SHANK2: variants seen among roughly 807,000 people sequenced by gnomAD.
SHANK2 encodes SH3 and multiple ankyrin repeat domains protein 2.
SHANK2 carries 43 observed loss-of-function variants against 133.7 expected under a neutral mutation model. That is an observed-to-expected ratio of 0.32 (90% CI 0.25 to 0.41). SHANK2 has a LOEUF of 0.41. Among genes scored for constraint, SHANK2 ranks in the 10% least tolerant of loss-of-function variants. The pLI, the probability that SHANK2 is intolerant of heterozygous loss-of-function variation, is 1.00. For missense variants in SHANK2, 1,994 were observed against 2,235.8 expected (o/e 0.89, Z 2.18); for synonymous variants, 1,017 against 952.8 (o/e 1.07, Z -1.24).
chr11:71,178,590 T>C (rs573780690), intron 2 of SHANK2, among the ~76,000 whole-genome samples: 2 of 152,360 alleles, frequency 1.3e-5, no homozygotes, highest in South Asian at 4.1e-4. Context: ...TATTATGCTA[T>C]GCACATTTTA....
At chr11:70,797,123 C>T (rs147317744) in intron 14 of SHANK2, among the ~76,000 whole-genome samples, 2 of 152,326 alleles carry the variant, frequency 1.3e-5, no homozygotes, top group Non-Finnish European at 2.9e-5. Context: ...GCCAAGCTCC[C>T]GCTTCTCGGT....
At position 70,597,675 on chromosome 11, in the gene SHANK2, C is replaced by T. The variant is rs782160769; in HGVS notation, c.2061+62153G>A. ...ATCACCTGAGGTCAGGAGTTCAAGA[C>T]CAGTCTGGCCAACATGGCGAAACCT... On this transcript the variant is annotated intron_variant, in intron 17 of 25. Coordinates refer to ENST00000601538, the MANE Select transcript of SHANK2 (RefSeq NM_012309.5). 3.3e-4 allele frequency among the ~76,000 whole-genome samples: 50 copies of T among 152,252 alleles called. 1 individual carries two copies. Among genetic ancestry groups the T allele is most frequent in the Non-Finnish European group, 5.0e-4 (34 of 68,014 alleles).
intron 17 of SHANK2, among the ~76,000 whole-genome samples, chr11:70,577,969 A>G (rs1393551532): frequency 6.6e-6 from 1 of 152,168 alleles, no homozygotes; most frequent in Non-Finnish European, 1.5e-5. Flanking sequence ...GCTGAATGCG[A>G]GCCCAGGAGA....
chr11:71,142,725 G>T (rs1307216713), intron 3 of SHANK2, among the ~76,000 whole-genome samples: 2 of 151,354 alleles, frequency 1.3e-5, no homozygotes, highest in African/African-American at 4.9e-5. Flanking sequence ...TCTGCAGAGA[G>T]AAAGTTTTTC....
At chr11:71,222,504 G>A (rs1397262017) in intron 2 of SHANK2, among the ~76,000 whole-genome samples, 1 of 152,312 alleles carries the variant, frequency 6.6e-6, no homozygotes, top group Middle Eastern at 3.4e-3. Flanking sequence ...CAGGGAGACA[G>A]GTCCCAGCTG....
At chr11:71,090,442 CGTGTGT>C (rs1181678975) in intron 8 of SHANK2, among the ~76,000 whole-genome samples, 1,824 of 7,976 alleles carry the variant, frequency 0.23, 501 homozygotes, top group Admixed American at 0.29. Context: ...AGAAACACTA[CGTGTGT>C]GTGTGTGTGT....
chr11:70,644,085 A>G (rs2061226649), intron 17 of SHANK2, among the ~76,000 whole-genome samples: 1 of 152,234 alleles, frequency 6.6e-6, no homozygotes, highest in African/African-American at 2.4e-5. Context: ...CCCCAGATTT[A>G]ACAGGAAAGC....
At position 70,881,574 on chromosome 11, in the gene SHANK2, TTAA is replaced by T. The variant is rs71049950; in HGVS notation, c.1174+14924_1174+14926del. Among the ~76,000 whole-genome samples, 375 of 39,360 alleles carry T rather than the reference TTAA, an allele frequency of 9.5e-3. 1 individual carries two copies. Among genetic ancestry groups the T allele is most frequent in the African/African-American group, 0.015 (367 of 23,694 alleles). The allele number at this position is 39,360 out of a possible 152,430, so 25.8% of individuals were successfully genotyped here. On this transcript the variant is annotated intron_variant, in intron 11 of 25. Transcript: ENST00000601538. Reference sequence around the variant, plus strand: ...AATAATAATAATATTAATAATAATATTAATAATAATAATAATAATAATAATAGT... The same window carrying T: ...AATAATAATAATATTAATAATAATATTAATAATAATAATAATAATAATAGT...
chr11:70,618,296 GAA>G (rs33915522), intron 17 of SHANK2, among the ~76,000 whole-genome samples: 4 of 112,112 alleles, frequency 3.6e-5, no homozygotes, highest in African/African-American at 6.9e-5. Flanking sequence ...CTCGGTCTCA[GAA>G]AAAAAAAAAA....
chr11:70,755,632 C>T (rs925614761), intron 14 of SHANK2, among the ~76,000 whole-genome samples: 9 of 152,308 alleles, frequency 5.9e-5, no homozygotes, highest in East Asian at 1.9e-4. Flanking sequence ...TCCTGGCAAC[C>T]GGCCTTTCTC....
intron 14 of SHANK2, among the ~76,000 whole-genome samples, chr11:70,797,894 T>A (rs1050869463): frequency 6.7e-6 from 1 of 149,896 alleles, no homozygotes; most frequent in Admixed American, 6.6e-5. Flanking sequence ...ATATAAGTGG[T>A]CTCCTCTTCA....
chr11:70,494,888 C>T (rs572707944), intron 21 of SHANK2, among the ~76,000 whole-genome samples: 50 of 152,340 alleles, frequency 3.3e-4, no homozygotes, highest in African/African-American at 1.1e-3. Context: ...CCCAATTCTG[C>T]GTCCCTGCTC....
chr11:70,872,332 T>C (rs1167527766), intron 11 of SHANK2: 1 of 154,252 alleles, frequency 6.5e-6, no homozygotes, highest in African/African-American at 2.4e-5. Context: ...AAGGTACTCA[T>C]GAGTGAAGAC....
In SHANK2 at chr11:70,539,833, C is replaced by T. The variant is rs138663775; in HGVS notation, c.2062-36902G>A. Reference sequence around the variant, plus strand: ...CCACAGACGTTCATGTTCCTACAGTCCTGGAGGTGAAGTCCAAGATCAAGG... The same window carrying T: ...CCACAGACGTTCATGTTCCTACAGTTCTGGAGGTGAAGTCCAAGATCAAGG... On this transcript the variant is annotated intron_variant, in intron 17 of 25. Coordinates refer to ENST00000601538, the MANE Select transcript of SHANK2 (RefSeq NM_012309.5). Among the ~76,000 whole-genome samples, 45 of 152,334 alleles carry T rather than the reference C, an allele frequency of 3.0e-4. 1 individual carries two copies. In the East Asian group the frequency reaches 8.1e-3, roughly 27 times the overall value.
chr11:70,820,769 GTGCGTCCAAGCCCCCA>G (rs1199693956), intron 11 of SHANK2, 87 bp from the exon 12 acceptor site: 1 of 589,938 alleles, frequency 1.7e-6, no homozygotes, highest in Non-Finnish European at 3.0e-6. Context: ...GCAGGCCTGC[GTGCGTCCAAGCCCCCA>G]TGCGAGCCCA....
chr11:70,502,730 T>TGGGCGGGGGGGGG, intron 18 of SHANK2, 66 bp downstream of exon 18: 25 of 772,452 alleles, frequency 3.2e-5, no homozygotes, highest in East Asian at 2.6e-4. Flanking sequence ...CCAGCTGTCC[T>TGGGCGGGGGGGGG]GCCCGCCCCC....
At chr11:70,681,845 C>T (rs561187239) in intron 15 of SHANK2, among the ~76,000 whole-genome samples, 2 of 152,220 alleles carry the variant, frequency 1.3e-5, no homozygotes, top group East Asian at 3.9e-4. Context: ...GAAACCACCT[C>T]CAGAGATCTT....
At chr11:70,554,091 C>G (rs2059801373) in intron 17 of SHANK2, among the ~76,000 whole-genome samples, 1 of 152,218 alleles carries the variant, frequency 6.6e-6, no homozygotes, top group African/African-American at 2.4e-5. Context: ...TTGTGGGGAG[C>G]AGATGGTAGG....
chr11:71,067,071 C>T (rs1169819885), intron 9 of SHANK2, among the ~76,000 whole-genome samples: 4 of 152,198 alleles, frequency 2.6e-5, no homozygotes, highest in African/African-American at 7.2e-5. Flanking sequence ...CCAACCAAGC[C>T]AGCCACCCAC....
Sources: gnomAD v4.1 joint callset for allele counts (sites outside exome capture counted in the v4.1 genomes callset) on GRCh38, gnomAD v4.1.1 for gene constraint, MANE v1.5 for transcripts, NCBI Gene and HGNC (gene_info 2026-07-23, HGNC 2026-07-21) for gene names.